IL1RN: variants seen among roughly 807,000 people sequenced by gnomAD.
The protein encoded by IL1RN is interleukin 1 receptor antagonist.
IL1RN carries 10 observed loss-of-function variants against 13.7 expected under a neutral mutation model. The ratio of observed to expected loss-of-function variants is 0.73; its 90% CI spans 0.45 to 1.24. The LOEUF (loss-of-function observed/expected upper bound fraction) is 1.24. Ranked by LOEUF, IL1RN falls within the 50% of genes most tolerant of loss-of-function variation. The pLI is 0.00. For missense variants in IL1RN, 213 were observed against 222.1 expected (o/e 0.96, Z 0.26); for synonymous variants, 102 against 82.7 (o/e 1.23, Z -1.27).
upstream of IL1RN, among the ~76,000 whole-genome samples, chr2:113,108,257 A>C (rs10171849): frequency 0.35 from 52,430 of 151,538 alleles, 9,424 homozygotes; most frequent in Middle Eastern, 0.45. Context: ...GGGGGTTATA[A>C]ATTTTTTTTA....
chr2:113,120,003 C>A, intron 1 of IL1RN: 1 of 1,284,264 alleles, frequency 7.8e-7, no homozygotes, highest in East Asian at 2.4e-5. Context: ...TTGGACAAGT[C>A]ATTCATTTCT....
chr2:113,109,510 A>G (rs186580135), upstream of IL1RN, among the ~76,000 whole-genome samples: 256 of 152,254 alleles, frequency 1.7e-3, 2 homozygotes, highest in African/African-American at 5.9e-3. Flanking sequence ...TGAAAGACAT[A>G]TTGTCAGATT....
chr2:113,127,585 G>T (rs1157497121), upstream of IL1RN: 1 of 1,610,074 alleles, frequency 6.2e-7, no homozygotes, highest in Admixed American at 1.7e-5. Context: ...CACAACTCTG[G>T]GCCCGCAATG....
chr2:113,121,113 CTTCCTCTTCCTCTTA>C (rs1686767771), intron 2 of IL1RN, among the ~76,000 whole-genome samples: 2 of 140,242 alleles, frequency 1.4e-5, no homozygotes, highest in Admixed American at 1.5e-4. Flanking sequence ...TCTTCCTCTT[CTTCCTCTTCCTCTTA>C]TTCTTCTTCA....
upstream of IL1RN, among the ~76,000 whole-genome samples, chr2:113,106,638 G>T (rs193042255): frequency 6.6e-6 from 1 of 152,190 alleles, no homozygotes; most frequent in East Asian, 1.9e-4. Context: ...GAGTTTTGAG[G>T]CTATCACTAA....
intron 1 of IL1RN, among the ~76,000 whole-genome samples, chr2:113,111,851 G>T (rs1215761826): frequency 6.6e-6 from 1 of 152,268 alleles, no homozygotes; most frequent in Non-Finnish European, 1.5e-5. Context: ...CAGAGGCAAA[G>T]AGGCCAGTCT....
chr2:113,100,051 G>A, the IL1RN span, among the ~76,000 whole-genome samples: 1 of 139,110 alleles, frequency 7.2e-6, no homozygotes, highest in Non-Finnish European at 1.6e-5. Flanking sequence ...CTTCTTAAAA[G>A]CTGGACCACG....
At chr2:113,110,185 G>A (rs375637006), upstream of IL1RN, among the ~76,000 whole-genome samples, 3 of 152,162 alleles carry the variant, frequency 2.0e-5, no homozygotes, top group Non-Finnish European at 2.9e-5. Context: ...ACATGCACAC[G>A]TACACAGGCA....
rs1440150461 is a variant in IL1RN at position 113,133,380 on chromosome 2, G to A, written c.*509G>A. The A allele has an allele frequency of 6.0e-6, 1 of 166,674 alleles. No individual in the cohort carries two copies. Among genetic ancestry groups the A allele is most frequent in the Non-Finnish European group, 1.3e-5 (1 of 75,694 alleles). 10.3% of individuals were successfully genotyped at this position (166,674 alleles called of 1,614,324 possible). A position where few individuals can be genotyped will look rare whatever the true frequency, so the allele number is the denominator to read the frequency against. On this transcript the variant is annotated 3_prime_UTR_variant, in exon 4 of 4. Coordinates refer to ENST00000409930, the MANE Select transcript of IL1RN (RefSeq NM_173842.3). ...TTTTTTTCAGTCCCCGTGAAGGAGAGCCCTTCATTTGGAGATTATGTTCTT... is the reference window on the plus strand; with the variant it reads ...TTTTTTTCAGTCCCCGTGAAGGAGAACCCTTCATTTGGAGATTATGTTCTT...
upstream of IL1RN, among the ~76,000 whole-genome samples, chr2:113,125,570 A>G (rs953122612): frequency 2.6e-5 from 4 of 152,234 alleles, no homozygotes; most frequent in African/African-American, 9.6e-5. Context: ...CCTTTGGGAA[A>G]TTCATTCATA....
At chr2:113,111,964 A>G (rs1417204727) in intron 1 of IL1RN, among the ~76,000 whole-genome samples, 1 of 152,226 alleles carries the variant, frequency 6.6e-6, no homozygotes, top group African/African-American at 2.4e-5. Context: ...CAGCCATCTG[A>G]GACAGTTTTA....
At chr2:113,129,537 G>C (rs771535736) in intron 1 of IL1RN, 39 bp from the exon 2 acceptor site, 1 of 1,284,214 alleles carries the variant, frequency 7.8e-7, no homozygotes, top group Admixed American at 1.7e-5. Flanking sequence ...CTGGGCACAT[G>C]GTGGCTGTGC....
At chr2:113,099,814 A>C in the IL1RN span, among the ~76,000 whole-genome samples, 1 of 128,766 alleles carries the variant, frequency 7.8e-6, no homozygotes, top group Non-Finnish European at 1.6e-5. Context: ...GGCTCACTGC[A>C]AGCTCCGCCT....
At chr2:113,118,228 G>A (rs1205549784) in intron 1 of IL1RN, among the ~76,000 whole-genome samples, 1 of 152,220 alleles carries the variant, frequency 6.6e-6, no homozygotes, top group Non-Finnish European at 1.5e-5. Flanking sequence ...TGAGGCAGGG[G>A]CTGCAAGCCT....
At chr2:113,120,649 T>A (rs1223676707) in intron 2 of IL1RN, among the ~76,000 whole-genome samples, 1 of 152,152 alleles carries the variant, frequency 6.6e-6, no homozygotes, top group Non-Finnish European at 1.5e-5. Flanking sequence ...CATAACCAGG[T>A]AAAGAGCTTT....
At chr2:113,099,769 C>T in the IL1RN span, among the ~76,000 whole-genome samples, 6 of 95,410 alleles carry the variant, frequency 6.3e-5, no homozygotes, top group African/African-American at 2.4e-4. Flanking sequence ...GAGTCTCGCT[C>T]TGTCGCCCAG....
At chr2:113,119,777 C>T (rs1344165640) in intron 1 of IL1RN, among the ~76,000 whole-genome samples, 1 of 152,148 alleles carries the variant, frequency 6.6e-6, no homozygotes, top group African/African-American at 2.4e-5. Flanking sequence ...GAAAAAAGTG[C>T]AATAAGCTTA....
chr2:113,112,658 C>T (rs1005760063), intron 1 of IL1RN, among the ~76,000 whole-genome samples: 2 of 152,230 alleles, frequency 1.3e-5, no homozygotes, highest in African/African-American at 4.8e-5. Flanking sequence ...CTTCCTCCAT[C>T]TTCCTCCTCT....
chr2:113,123,999 A>G (rs964463114), upstream of IL1RN, among the ~76,000 whole-genome samples: 4 of 152,214 alleles, frequency 2.6e-5, no homozygotes, highest in Admixed American at 1.3e-4. Context: ...CCCTTACAGC[A>G]GTGCAGTGTC....
Sources: gnomAD v4.1 joint callset for allele counts (sites outside exome capture counted in the v4.1 genomes callset) on GRCh38, gnomAD v4.1.1 for gene constraint, MANE v1.5 for transcripts, NCBI Gene and HGNC (gene_info 2026-07-23, HGNC 2026-07-21) for gene names.